CRTAC1: variants seen among roughly 807,000 people sequenced by gnomAD.
CRTAC1 encodes the protein cartilage acidic protein 1, also known as acidic secreted protein in cartilage.
A neutral mutation model predicts 67.8 loss-of-function variants in CRTAC1; 37 were observed. The observed-to-expected ratio is 0.55, with a 90% CI of 0.42 to 0.72. The LOEUF is 0.72. Among genes scored for constraint, CRTAC1 ranks in the 30% least tolerant of loss-of-function variants. CRTAC1 has a pLI of 0.00. For synonymous variants in CRTAC1, 348 were observed against 371.0 expected, an observed-to-expected ratio of 0.94 and a Z score of 0.71; for missense variants, 780 against 931.6, an observed-to-expected ratio of 0.84 and a Z score of 2.12.
At chr10:97,892,727 G>A (rs959022669) in intron 11 of CRTAC1, among the ~76,000 whole-genome samples, 24 of 152,318 alleles carry the variant, frequency 1.6e-4, no homozygotes, top group African/African-American at 5.1e-4. Context: ...CTGCTACTTT[G>A]CAAGACAGGA....
chr10:98,007,653 G>C (rs1424926614), intron 2 of CRTAC1, among the ~76,000 whole-genome samples: 3 of 152,148 alleles, frequency 2.0e-5, no homozygotes, highest in Admixed American at 1.3e-4. Flanking sequence ...GCTCAACCCT[G>C]CCCTGGAAGA....
intron 11 of CRTAC1, among the ~76,000 whole-genome samples, chr10:97,891,588 A>G (rs7916614): frequency 0.042 from 6,439 of 152,318 alleles, 478 homozygotes; most frequent in African/African-American, 0.14. Flanking sequence ...GCCCACTGCC[A>G]GCCTGGAGGG....
intron 2 of CRTAC1, among the ~76,000 whole-genome samples, chr10:98,003,398 T>C (rs759141491): frequency 1.3e-5 from 2 of 152,218 alleles, no homozygotes; most frequent in Non-Finnish European, 2.9e-5. Flanking sequence ...GGCAGGGCTG[T>C]GTTTTCTTCC....
chr10:97,980,789 T>C (rs1457577132), intron 2 of CRTAC1, among the ~76,000 whole-genome samples: 1 of 152,140 alleles, frequency 6.6e-6, no homozygotes, highest in Non-Finnish European at 1.5e-5. Flanking sequence ...CCCCCAATAT[T>C]TAAAAACATA....
chr10:97,964,047 T>C (rs1333551836), intron 2 of CRTAC1, among the ~76,000 whole-genome samples: 1 of 152,216 alleles, frequency 6.6e-6, no homozygotes, highest in African/African-American at 2.4e-5. Flanking sequence ...ACAGTTTGGC[T>C]TGTGCTGTCC....
At chr10:97,880,527 C>T in intron 13 of CRTAC1, 135 bp from the exon 14 acceptor site, 3 of 1,128,170 alleles carry the variant, frequency 2.7e-6, no homozygotes, top group Non-Finnish European at 3.8e-6. Flanking sequence ...GCTTCAGTTC[C>T]CTTGGCTGGC....
rs115319012 is a variant in CRTAC1, at chr10:97,977,316, G to A, written c.224+33822C>T. Reference sequence around the variant, plus strand: ...TCTGGAATACTATGGCCGGGGAGGAGAGCGGCAGCTCCAGGAACACTGTCT... The same window carrying A: ...TCTGGAATACTATGGCCGGGGAGGAAAGCGGCAGCTCCAGGAACACTGTCT... On this transcript the variant is annotated intron_variant, in intron 2 of 14. Coordinates refer to ENST00000370597, the MANE Select transcript of CRTAC1 (RefSeq NM_018058.7). Among the ~76,000 whole-genome samples the A allele has an allele frequency of 6.0e-3, 911 of 152,332 alleles. 10 individuals are homozygous for A. Among genetic ancestry groups the A allele is most frequent in the African/African-American group, 0.02 (836 of 41,556 alleles).
chr10:97,960,272 T>C (rs146331373), intron 2 of CRTAC1, among the ~76,000 whole-genome samples: 61 of 152,354 alleles, frequency 4.0e-4, no homozygotes, highest in African/African-American at 1.4e-3. Flanking sequence ...ACAGTATTAA[T>C]AGATGGTCAA....
In CRTAC1 at chr10:97,981,569, G is replaced by T. The variant is rs561316112; in HGVS notation, c.224+29569C>A. On this transcript the variant is annotated intron_variant, in intron 2 of 14. Transcript: ENST00000370597. The stretch of plus-strand genomic sequence containing the variant: ...TATTAAAGTTGCTTCTGGTTTTTTT[G>T]CTCTTATAAATATGCACAACAAATA... 6.6e-5 allele frequency among the ~76,000 whole-genome samples: 10 copies of T among 152,056 alleles called. No individual in the cohort carries two copies. In the East Asian group the frequency reaches 1.7e-3, roughly 26 times the overall value.
intron 5 of CRTAC1, among the ~76,000 whole-genome samples, chr10:97,910,702 A>G (rs529220197): frequency 1.3e-5 from 2 of 152,310 alleles, no homozygotes; most frequent in East Asian, 3.9e-4. Flanking sequence ...ATCCTCTGAG[A>G]GATGCCCCCA....
At chr10:97,887,773 C>A (rs1343968981) in intron 11 of CRTAC1, among the ~76,000 whole-genome samples, 2 of 152,336 alleles carry the variant, frequency 1.3e-5, no homozygotes, top group East Asian at 3.9e-4. Flanking sequence ...AGCCTTTCTA[C>A]CCTGGAGCAG....
intron 4 of CRTAC1, among the ~76,000 whole-genome samples, chr10:97,921,992 CTT>C (rs1564895526): frequency 6.6e-6 from 1 of 151,416 alleles, no homozygotes. Context: ...GAGTGCATCT[CTT>C]TGTGATTAAC....
At position 97,917,542 on chromosome 10, in the gene CRTAC1, G is replaced by T; in HGVS notation, c.673C>A (p.Leu225Ile). The change falls in exon 5 of 15, where the codon CTC becomes ATC. Residue 225 changes from leucine to isoleucine, a missense_variant. Transcript: ENST00000370597. ...ASDLSRGILA[L>I]RDVAAEAGVS... ...CCAGCCTCAGCAGCCACATCTCTGA[G>T]CGCCAGAATGCCCCGGGAGAGGTCA... The T allele has an allele frequency of 6.3e-7, 1 of 1,592,598 alleles. No individual in the cohort carries two copies. Among genetic ancestry groups the T allele is most frequent in the Non-Finnish European group, 8.6e-7 (1 of 1,166,748 alleles).
At chr10:97,866,230 G>T (rs574850325) in intron 14 of CRTAC1, 1 of 153,856 alleles carries the variant, frequency 6.5e-6, no homozygotes, top group African/African-American at 2.4e-5. Context: ...AATTCAAGGT[G>T]TGGGGAGACG....
Position 97,865,464 on chromosome 10 carries a change from AT to A in CRTAC1, c.*83del, listed in dbSNP as rs2050008640. Reference sequence around the variant, plus strand: ...GAGGGTCTAGCTCCCAGGCCTTTACATCCCTACTGTCTAGGCAGCAGCACAA... The same window carrying A: ...GAGGGTCTAGCTCCCAGGCCTTTACACCCTACTGTCTAGGCAGCAGCACAA... On this transcript the variant is annotated 3_prime_UTR_variant, in exon 15 of 15. Coordinates refer to ENST00000370597, the MANE Select transcript of CRTAC1 (RefSeq NM_018058.7). The A allele has an allele frequency of 2.0e-6, 3 of 1,504,104 alleles. No individual in the cohort carries two copies. The Admixed American group carries it at 6.1e-5, about 31-fold the overall frequency. 93.2% of individuals were successfully genotyped at this position (1,504,104 alleles called of 1,614,324 possible).
At chr10:97,948,777 G>C (rs2051304416) in intron 2 of CRTAC1, among the ~76,000 whole-genome samples, 1 of 152,204 alleles carries the variant, frequency 6.6e-6, no homozygotes, top group East Asian at 1.9e-4. Flanking sequence ...GAAGGAAAGA[G>C]GTTGAATTGA....
At chr10:97,928,041 C>A (rs895323337) in intron 3 of CRTAC1, among the ~76,000 whole-genome samples, 2 of 152,148 alleles carry the variant, frequency 1.3e-5, no homozygotes, top group Non-Finnish European at 2.9e-5. Flanking sequence ...TCTCTTGAGT[C>A]CCCTGGGGAA....
intron 5 of CRTAC1, among the ~76,000 whole-genome samples, chr10:97,915,034 A>T (rs1257647203): frequency 6.6e-6 from 1 of 151,946 alleles, no homozygotes; most frequent in South Asian, 2.1e-4. Context: ...CGGTACCTGG[A>T]TAGCACCTTT....
At chr10:97,969,828 T>C (rs1398162234) in intron 2 of CRTAC1, among the ~76,000 whole-genome samples, 1 of 151,010 alleles carries the variant, frequency 6.6e-6, no homozygotes, top group African/African-American at 2.4e-5. Flanking sequence ...TCATTGGGTA[T>C]CTCCTCTCCC....
Sources: gnomAD v4.1 joint callset for allele counts (sites outside exome capture counted in the v4.1 genomes callset) on GRCh38, gnomAD v4.1.1 for gene constraint, MANE v1.5 for transcripts, NCBI Gene and HGNC (gene_info 2026-07-23, HGNC 2026-07-21) for gene names.